WWOX: variants seen among roughly 807,000 people sequenced by gnomAD.
WWOX encodes WW domain containing oxidoreductase, also known as WW domain-containing oxidoreductase.
A neutral mutation model predicts 46.2 loss-of-function variants in WWOX; 69 were observed. That is an observed-to-expected ratio of 1.49 (90% CI 1.23 to 1.82). The LOEUF (loss-of-function observed/expected upper bound fraction) is 1.82, where lower values mean the gene tolerates loss of function less well. Ranked by LOEUF, WWOX falls within the 40% of genes most tolerant of loss-of-function variation. The probability of loss-of-function intolerance (pLI) is 0.00; values close to 1 mark genes in which losing one functional copy is unlikely to be tolerated. For missense variants in WWOX, 919 were observed against 542.6 expected, an observed-to-expected ratio of 1.69 and a Z score of -6.89; for synonymous variants, 359 against 202.6, an observed-to-expected ratio of 1.77 and a Z score of -6.56.
At chr16:78,209,700 A>C (rs1440424953) in intron 5 of WWOX, among the ~76,000 whole-genome samples, 1 of 151,568 alleles carries the variant, frequency 6.6e-6, no homozygotes, top group Non-Finnish European at 1.5e-5. Flanking sequence ...TTAAAGGAGA[A>C]TGTTGGATTT....
chr16:78,537,776 T>A (rs1485565570), intron 8 of WWOX, among the ~76,000 whole-genome samples: 1 of 152,082 alleles, frequency 6.6e-6, no homozygotes, highest in African/African-American at 2.4e-5. Context: ...TGGTTTTGTC[T>A]GGATTTGAAA....
At chr16:78,365,265 G>C (rs547957508) in intron 5 of WWOX, among the ~76,000 whole-genome samples, 1 of 152,170 alleles carries the variant, frequency 6.6e-6, no homozygotes, top group African/African-American at 2.4e-5. Flanking sequence ...TGTCTCCAAC[G>C]CATCCATGGA....
At chr16:79,068,413 C>T (rs752315910) in intron 8 of WWOX, among the ~76,000 whole-genome samples, 9 of 151,946 alleles carry the variant, frequency 5.9e-5, no homozygotes, top group Non-Finnish European at 1.2e-4. Flanking sequence ...CTGAGAGTAG[C>T]TCTGTGCTGC....
intron 4 of WWOX, 122 bp from the exon 5 acceptor site, chr16:78,164,061 A>G (rs992038677): frequency 3.3e-6 from 3 of 908,382 alleles, no homozygotes; most frequent in African/African-American, 1.7e-5. Context: ...TCCCCTGGGG[A>G]TCAAAATCAC....
intron 8 of WWOX, among the ~76,000 whole-genome samples, chr16:78,912,512 A>C (rs950602178): frequency 3.3e-5 from 5 of 151,850 alleles, no homozygotes; most frequent in Non-Finnish European, 5.9e-5. Flanking sequence ...GTGATCAAGA[A>C]ATGCCAGCTC....
chr16:78,769,095 G>A (rs1462447637), intron 8 of WWOX, among the ~76,000 whole-genome samples: 1 of 152,328 alleles, frequency 6.6e-6, no homozygotes, highest in African/African-American at 2.4e-5. Context: ...TCTTTATAAG[G>A]CTCTGGCATT....
chr16:78,448,733 G>C lies in WWOX; in HGVS notation c.1056+15981G>C, dbSNP rs185577202. 5.9e-5 allele frequency among the ~76,000 whole-genome samples: 9 copies of C among 152,284 alleles called. No individual in the cohort carries two copies. The South Asian group carries it at 8.3e-4, about 14-fold the overall frequency. ...AGAGGCTGGACATTAAAATCAAGGG[G>C]AGGAATAATCATGTCTTCTCTTGAA... On this transcript the variant is annotated intron_variant, in intron 8 of 8. Transcript: ENST00000566780.
intron 5 of WWOX, among the ~76,000 whole-genome samples, chr16:78,251,494 C>G (rs957046834): frequency 6.6e-6 from 1 of 152,134 alleles, no homozygotes; most frequent in African/African-American, 2.4e-5. Context: ...CTCAGCTTCT[C>G]CTCTCTTTCC....
chr16:78,989,495 C>T (rs1192244590), intron 8 of WWOX, among the ~76,000 whole-genome samples: 1 of 152,194 alleles, frequency 6.6e-6, no homozygotes, highest in Non-Finnish European at 1.5e-5. Context: ...GCGCCCATGG[C>T]TCCACCACCA....
intron 5 of WWOX, among the ~76,000 whole-genome samples, chr16:78,322,970 A>T (rs2151885346): frequency 6.6e-6 from 1 of 152,298 alleles, no homozygotes; most frequent in East Asian, 1.9e-4. Context: ...CCCTACAAAC[A>T]CTGGCATTGG....
chr16:78,767,925 T>C (rs1305284278), intron 8 of WWOX, among the ~76,000 whole-genome samples: 2 of 152,158 alleles, frequency 1.3e-5, no homozygotes, highest in East Asian at 3.9e-4. Context: ...TTTTGGCTAA[T>C]GATAACCTTC....
intron 8 of WWOX, among the ~76,000 whole-genome samples, chr16:78,814,731 G>T (rs2051286206): frequency 6.6e-6 from 1 of 152,234 alleles, no homozygotes; most frequent in African/African-American, 2.4e-5. Flanking sequence ...CTGCCTTCAT[G>T]TAACAACTAA....
chr16:78,834,879 G>A (rs1170075074), intron 8 of WWOX, among the ~76,000 whole-genome samples: 1 of 152,082 alleles, frequency 6.6e-6, no homozygotes, highest in Non-Finnish European at 1.5e-5. Context: ...TTATGATAAT[G>A]ACTGTTTGTA....
chr16:78,823,075 T>C (rs1454969741), intron 8 of WWOX, among the ~76,000 whole-genome samples: 1 of 152,264 alleles, frequency 6.6e-6, no homozygotes, highest in African/African-American at 2.4e-5. Flanking sequence ...GAAGTTTGAA[T>C]ACACTTTCAG....
At chr16:78,280,294 T>C (rs1035246883) in intron 5 of WWOX, among the ~76,000 whole-genome samples, 1 of 152,244 alleles carries the variant, frequency 6.6e-6, no homozygotes, top group African/African-American at 2.4e-5. Context: ...GGAATTGTAG[T>C]TGTAATGATA....
intron 8 of WWOX, among the ~76,000 whole-genome samples, chr16:78,928,358 A>ACCG (rs2045547906): frequency 2.6e-5 from 4 of 151,286 alleles, no homozygotes; most frequent in African/African-American, 9.7e-5. Flanking sequence ...GCCCGCTACC[A>ACCG]CGCCCGGCTA....
chr16:79,061,139 T>C (rs2048350812), intron 8 of WWOX, among the ~76,000 whole-genome samples: 1 of 152,136 alleles, frequency 6.6e-6, no homozygotes, highest in Non-Finnish European at 1.5e-5. Context: ...CTCTCAATCC[T>C]TTATGTTGAG....
chr16:78,167,542 G>C (rs886705560), intron 5 of WWOX: 7 of 152,164 alleles, frequency 4.6e-5, no homozygotes, highest in Non-Finnish European at 8.8e-5. Context: ...ACTAATACAC[G>C]TGGCTCCAGA....
chr16:79,190,322 G>C (rs2051109366), intron 8 of WWOX, among the ~76,000 whole-genome samples: 4 of 152,072 alleles, frequency 2.6e-5, no homozygotes, highest in Admixed American at 2.0e-4. Context: ...ACCGTGCCCG[G>C]CCTCATATCC....
Sources: gnomAD v4.1 joint callset for allele counts (sites outside exome capture counted in the v4.1 genomes callset) on GRCh38, gnomAD v4.1.1 for gene constraint, MANE v1.5 for transcripts, NCBI Gene and HGNC (gene_info 2026-07-23, HGNC 2026-07-21) for gene names.